DPY19L1: variants seen among roughly 807,000 people sequenced by gnomAD.
DPY19L1 encodes the protein protein C-mannosyl-transferase DPY19L1.
In DPY19L1, 35 loss-of-function variants were observed where a neutral mutation model predicts 96.9. That is an observed-to-expected ratio of 0.36 (90% CI 0.28 to 0.48). DPY19L1 has a LOEUF of 0.48. Among genes scored for constraint, DPY19L1 ranks in the 20% least tolerant of loss-of-function variants. The probability of loss-of-function intolerance (pLI) is 0.99; values close to 1 mark genes in which losing one functional copy is unlikely to be tolerated. For synonymous variants in DPY19L1, 205 were observed against 252.6 expected (o/e 0.81, Z 1.79); for missense variants, 521 against 777.9 (o/e 0.67, Z 3.93).
chr7:35,002,870 G>A (rs376486922), intron 6 of DPY19L1, among the ~76,000 whole-genome samples: 2 of 152,250 alleles, frequency 1.3e-5, no homozygotes, highest in Admixed American at 6.5e-5. Context: ...CTGGGTTCAC[G>A]CCATTCTCCT....
chr7:35,028,496 C>A (rs1199139474), intron 1 of DPY19L1, among the ~76,000 whole-genome samples: 1 of 152,050 alleles, frequency 6.6e-6, no homozygotes, highest in African/African-American at 2.4e-5. Context: ...AACTACTCAA[C>A]GTAAGTGTTT....
intron 6 of DPY19L1, among the ~76,000 whole-genome samples, chr7:34,991,377 G>C (rs983236467): frequency 6.6e-6 from 1 of 152,104 alleles, no homozygotes; most frequent in Non-Finnish European, 1.5e-5. Context: ...ATATAAAGGG[G>C]CAAAGAAACT....
At chr7:34,971,888 C>T (rs1784731438) in intron 8 of DPY19L1, among the ~76,000 whole-genome samples, 1 of 152,112 alleles carries the variant, frequency 6.6e-6, no homozygotes, top group African/African-American at 2.4e-5. Context: ...TGTCATGTTG[C>T]ATGGCAAAGG....
Position 34,966,928 on chromosome 7 carries a change from A to G in DPY19L1, c.1058T>C (p.Ile353Thr), listed in dbSNP as rs760265284. Residue 353 changes from isoleucine to threonine, a missense_variant, in exon 10 of 22, where the codon ATA (isoleucine) becomes ACA (threonine). By Grantham distance (89) the Ile-to-Thr change is moderately conservative (BLOSUM62 -1). Coordinates refer to ENST00000638088, the MANE Select transcript of DPY19L1 (RefSeq NM_001366673.1). The part of the protein sequence containing the change: ...FAVYVVGYID[I>T]CKLRKIIYIH... ...ATAAATGATCTTCCGTAATTTACAT[A>G]TATCAATGTACCCGACAACATATAC... 7 of 1,545,962 alleles carry G rather than the reference A, an allele frequency of 4.5e-6. No homozygotes were observed. In the African/African-American group the frequency reaches 5.6e-5, roughly 12 times the overall value.
At chr7:34,943,881 C>T (rs1206805590) in intron 16 of DPY19L1, among the ~76,000 whole-genome samples, 2 of 152,064 alleles carry the variant, frequency 1.3e-5, no homozygotes, top group Non-Finnish European at 1.5e-5. Context: ...TAAACCAGAA[C>T]GTTTTTCTTT....
chr7:34,989,647 A>C (rs328911), intron 7 of DPY19L1, among the ~76,000 whole-genome samples: 16,192 of 103,866 alleles, frequency 0.16, 911 homozygotes, highest in Middle Eastern at 0.27. Context: ...ACAACAACAA[A>C]AAAAAAAAAC....
intron 7 of DPY19L1, among the ~76,000 whole-genome samples, chr7:34,983,157 G>C (rs1281240012): frequency 6.6e-6 from 1 of 152,132 alleles, no homozygotes; most frequent in African/African-American, 2.4e-5. Flanking sequence ...TGACATAAAA[G>C]ATGTTCCCTT....
chr7:34,956,895 T>C (rs1451799931), intron 11 of DPY19L1, among the ~76,000 whole-genome samples: 2 of 152,174 alleles, frequency 1.3e-5, no homozygotes, highest in African/African-American at 4.8e-5. Context: ...AAACCCCAAA[T>C]GATCTGAGTA....
intron 8 of DPY19L1, among the ~76,000 whole-genome samples, chr7:34,970,845 G>GAAAAAAAAAAAAAAAAAAAGAAAAAAAA (rs3048603): frequency 9.4e-6 from 1 of 106,664 alleles, no homozygotes. Context: ...TGCCAAGAAT[G>GAAAAAAAAAAAAAAAAAAAGAAAAAAAA]AAAAAAAAAA....
intron 1 of DPY19L1, among the ~76,000 whole-genome samples, chr7:35,032,725 A>G (rs1676712534): frequency 6.6e-6 from 1 of 151,972 alleles, no homozygotes; most frequent in Non-Finnish European, 1.5e-5. Flanking sequence ...TCCCTCATCC[A>G]TACCCCTAGT....
chr7:35,002,997 C>T (rs750542595), intron 6 of DPY19L1, among the ~76,000 whole-genome samples: 3 of 152,104 alleles, frequency 2.0e-5, no homozygotes, highest in Non-Finnish European at 4.4e-5. Flanking sequence ...GTCTCGATCT[C>T]CTGACCTTGT....
At chr7:34,944,187 AC>A (rs1175182393) in intron 16 of DPY19L1, among the ~76,000 whole-genome samples, 1 of 151,456 alleles carries the variant, frequency 6.6e-6, no homozygotes, top group African/African-American at 2.4e-5. Flanking sequence ...ATATGGTGAA[AC>A]CCCGTCTCTA....
At chr7:34,947,181 T>A (rs1435887810) in intron 15 of DPY19L1, among the ~76,000 whole-genome samples, 1 of 152,206 alleles carries the variant, frequency 6.6e-6, no homozygotes, top group Non-Finnish European at 1.5e-5. Context: ...ACCTAAACAT[T>A]TTATCTAGTT....
At position 34,941,735 on chromosome 7, in the gene DPY19L1, T is replaced by C. The variant is rs1784020455; in HGVS notation, c.1689+30A>G. The C allele has an allele frequency of 4.4e-6, 7 of 1,598,186 alleles. No homozygotes were observed. In the East Asian group the frequency reaches 9.0e-5, roughly 20 times the overall value. On this transcript the variant is annotated intron_variant, in intron 18 of 21. Coordinates refer to ENST00000638088, the MANE Select transcript of DPY19L1 (RefSeq NM_001366673.1). ...TCAATAATAAAGGCTAAAATTATCA[T>C]AGTAGCTATACTCCAACATAACATG... is the stretch of plus-strand genomic sequence containing the variant.
At chr7:34,958,243 C>A (rs181641599) in intron 10 of DPY19L1, among the ~76,000 whole-genome samples, 173 bp from the exon 11 acceptor site, 13 of 152,292 alleles carry the variant, frequency 8.5e-5, no homozygotes, top group Admixed American at 2.0e-4. Flanking sequence ...TAACCATCAT[C>A]AACAGTTTCC....
At chr7:34,959,047 G>T (rs984096386) in intron 10 of DPY19L1, among the ~76,000 whole-genome samples, 8 of 151,866 alleles carry the variant, frequency 5.3e-5, no homozygotes, top group African/African-American at 1.9e-4. Context: ...TCAAAAAGTG[G>T]GTGAAGGATA....
chr7:34,939,924 T>C (rs1477877011), intron 19 of DPY19L1, among the ~76,000 whole-genome samples: 1 of 152,142 alleles, frequency 6.6e-6, no homozygotes, highest in Admixed American at 6.5e-5. Context: ...AATTAAAATC[T>C]ATAAAAAATG....
intron 10 of DPY19L1, among the ~76,000 whole-genome samples, chr7:34,963,099 G>A (rs1306616218): frequency 6.6e-6 from 1 of 151,198 alleles, no homozygotes; most frequent in East Asian, 2.0e-4. Flanking sequence ...GAAGGCTGAG[G>A]CAGGAGAATC....
At position 34,997,436 on chromosome 7, in the gene DPY19L1, C is replaced by CAAA. The variant is rs397836742; in HGVS notation, c.765-7498_765-7496dup. Among the ~76,000 whole-genome samples, 89 of 91,926 alleles carry CAAA rather than the reference C, an allele frequency of 9.7e-4. 1 individual carries two copies. Among genetic ancestry groups the CAAA allele is most frequent in the African/African-American group, 2.5e-3 (56 of 21,998 alleles). The allele number at this position is 91,926 out of a possible 152,430, so 60.3% of individuals were successfully genotyped here. ...TGAAACCCCGTCTCTACTAAAAATACAAAAAAAAAAAAAAAAAAAAAAAAT... is the reference window on the plus strand; with the variant it reads ...TGAAACCCCGTCTCTACTAAAAATACAAAAAAAAAAAAAAAAAAAAAAAAAAAT... On this transcript the variant is annotated intron_variant, in intron 6 of 21. Coordinates refer to ENST00000638088, the MANE Select transcript of DPY19L1 (RefSeq NM_001366673.1).
Sources: allele counts gnomAD v4.1 joint callset (sites outside exome capture counted in the v4.1 genomes callset), GRCh38; gene constraint gnomAD v4.1.1; transcripts MANE v1.5; gene names NCBI Gene and HGNC (gene_info 2026-07-23, HGNC 2026-07-21).